The following PRUNE2 variants were observed in gnomAD, a reference collection of about 807,000 sequenced individuals.
PRUNE2 encodes protein prune homolog 2.
PRUNE2 carries 164 observed loss-of-function variants against 252.0 expected under a neutral mutation model. The ratio of observed to expected loss-of-function variants is 0.65; its 90% confidence interval spans 0.57 to 0.74. The LOEUF (loss-of-function observed/expected upper bound fraction) is 0.74, where lower values mean the gene tolerates loss of function less well. PRUNE2 is among the 30% of genes least tolerant of loss of function. The probability of loss-of-function intolerance (pLI) is 0.00; values close to 1 mark genes in which losing one functional copy is unlikely to be tolerated. For synonymous variants in PRUNE2, 1,292 were observed against 1,350.2 expected (o/e 0.96, Z 0.94); for missense variants, 3,495 against 3,711.0 (o/e 0.94, Z 1.51).
intron 17 of PRUNE2, among the ~76,000 whole-genome samples, chr9:76,622,548 T>G (rs1234831525): frequency 6.6e-6 from 1 of 152,178 alleles, no homozygotes; most frequent in Non-Finnish European, 1.5e-5. Flanking sequence ...TTCATAAATA[T>G]GTTATCATCC....
At chr9:76,728,262 C>T (rs1190173347) in intron 6 of PRUNE2, among the ~76,000 whole-genome samples, 1 of 152,122 alleles carries the variant, frequency 6.6e-6, no homozygotes, top group East Asian at 1.9e-4. Flanking sequence ...CATTAAAACC[C>T]ATTTCTGGGC....
intron 6 of PRUNE2, among the ~76,000 whole-genome samples, chr9:76,777,163 G>T (rs1020430062): frequency 6.6e-6 from 1 of 152,160 alleles, no homozygotes; most frequent in African/African-American, 2.4e-5. Flanking sequence ...GAGAAGGGAA[G>T]AAATGCAATG....
intron 6 of PRUNE2, among the ~76,000 whole-genome samples, chr9:76,747,797 C>CTT (rs553598262): frequency 4.2e-5 from 6 of 141,446 alleles, no homozygotes; most frequent in African/African-American, 1.6e-4. Flanking sequence ...TTCTCCACTT[C>CTT]TTTTTTTTTT....
At chr9:76,904,460 C>T (rs1343519478) in intron 1 of PRUNE2, among the ~76,000 whole-genome samples, 1 of 152,138 alleles carries the variant, frequency 6.6e-6, no homozygotes, top group Non-Finnish European at 1.5e-5. Flanking sequence ...CAGCCCAGAA[C>T]TCTGTGTTTG....
At chr9:76,841,500 C>A (rs192684541) in intron 4 of PRUNE2, among the ~76,000 whole-genome samples, 196 of 152,274 alleles carry the variant, frequency 1.3e-3, no homozygotes, top group Non-Finnish European at 2.0e-3. Context: ...GGGCTGAAGC[C>A]AAGAAGCCAA....
At chr9:76,694,175 G>A (rs1439424658) in intron 9 of PRUNE2, among the ~76,000 whole-genome samples, 1 of 151,458 alleles carries the variant, frequency 6.6e-6, no homozygotes, top group Non-Finnish European at 1.5e-5. Context: ...TATTTGTTTT[G>A]TTTCGTTTTT....
At chr9:76,885,413 T>A (rs2062030151) in intron 1 of PRUNE2, among the ~76,000 whole-genome samples, 1 of 152,184 alleles carries the variant, frequency 6.6e-6, no homozygotes, top group Admixed American at 6.5e-5. Flanking sequence ...GGTGAGATCT[T>A]GCCCAGGGAA....
rs1189752215 is a variant in PRUNE2 at position 76,710,487 on chromosome 9, G to A, written c.1787C>T (p.Pro596Leu). 6.2e-7 allele frequency: 1 copy of A among 1,613,992 alleles called. No homozygotes were observed. The highest frequency in any genetic ancestry group is 1.1e-5 in the South Asian group (1 of 91,088). Residue 596 changes from proline to leucine, a missense_variant, in exon 8 of 19, where the codon CCT (proline) becomes CTT (leucine). Transcript: ENST00000376718. ...SLTDFVGDES[P>L]SPERLKNTGK... ...AGTATTTTTTAGCCTTTCTGGGGAA[G>A]GGGATTCATCTCCCACAAAATCTGT... is the stretch of plus-strand genomic sequence containing the variant.
At position 76,861,131 on chromosome 9, in the gene PRUNE2, C is replaced by A. The variant is rs539779815; in HGVS notation, c.37-6923G>T. The stretch of plus-strand genomic sequence containing the variant: ...GCAGATGGTACCATGGCCAAGTGAG[C>A]AGCAGGGGCCACAGGGAGGCCTGGA... On this transcript the variant is annotated intron_variant, in intron 1 of 18. Transcript: ENST00000376718. 7.5e-4 allele frequency among the ~76,000 whole-genome samples: 115 copies of A among 152,340 alleles called. 1 individual carries two copies. The South Asian group carries it at 8.9e-3, about 12-fold the overall frequency.
rs568568740 is a variant in PRUNE2 at position 76,851,195 on chromosome 9, G to A, written c.142-530C>T. 2.0e-5 allele frequency among the ~76,000 whole-genome samples: 3 copies of A among 152,190 alleles called. No individual in the cohort carries two copies. The South Asian group carries it at 6.2e-4, about 32-fold the overall frequency. ...TACATTGCATCTAAATGAGATGCCTGTCACTCAGCTCCAGCCAATGGTTCA... is the reference window on the plus strand; with the variant it reads ...TACATTGCATCTAAATGAGATGCCTATCACTCAGCTCCAGCCAATGGTTCA... On this transcript the variant is annotated intron_variant, in intron 2 of 18. Transcript: ENST00000376718.
At chr9:76,752,502 C>T (rs1013893920) in intron 6 of PRUNE2, among the ~76,000 whole-genome samples, 1 of 151,054 alleles carries the variant, frequency 6.6e-6, no homozygotes, top group African/African-American at 2.4e-5. Flanking sequence ...ATGAGATGTT[C>T]ATTCCATCTT....
At chr9:76,632,144 T>G (rs1426711579) in intron 15 of PRUNE2, among the ~76,000 whole-genome samples, 1 of 152,218 alleles carries the variant, frequency 6.6e-6, no homozygotes, top group Non-Finnish European at 1.5e-5. Context: ...TGAGTTATAT[T>G]CCTTTGTGTA....
intron 1 of PRUNE2, among the ~76,000 whole-genome samples, chr9:76,903,941 T>C (rs901647492): frequency 4.6e-5 from 7 of 152,234 alleles, no homozygotes; most frequent in Non-Finnish European, 8.8e-5. Flanking sequence ...GACATTGACT[T>C]AATTCTTTTT....
chr9:76,674,163 C>T (rs1265989190), intron 9 of PRUNE2, among the ~76,000 whole-genome samples: 1 of 151,862 alleles, frequency 6.6e-6, no homozygotes, highest in Non-Finnish European at 1.5e-5. Context: ...ACCCCACTGT[C>T]TCAGCCCAAA....
intron 1 of PRUNE2, among the ~76,000 whole-genome samples, chr9:76,870,850 G>A (rs2061158489): frequency 6.6e-6 from 1 of 150,856 alleles, no homozygotes; most frequent in African/African-American, 2.5e-5. Context: ...AAACCTAAGT[G>A]GCAACAACCA....
chr9:76,850,772 G>A, intron 2 of PRUNE2, 107 bp from the exon 3 acceptor site: 1 of 807,858 alleles, frequency 1.2e-6, no homozygotes, highest in Non-Finnish European at 2.0e-6. Context: ...GGAGTCTTCT[G>A]GCCTCACTAA....
intron 16 of PRUNE2, among the ~76,000 whole-genome samples, chr9:76,624,718 T>TAA (rs1833926413): frequency 6.6e-6 from 1 of 152,330 alleles, no homozygotes; most frequent in East Asian, 1.9e-4. Context: ...AATGTAGACA[T>TAA]AAGTTGCAAA....
At chr9:76,676,393 T>G (rs1301788988) in intron 9 of PRUNE2, among the ~76,000 whole-genome samples, 2 of 151,786 alleles carry the variant, frequency 1.3e-5, no homozygotes, top group Non-Finnish European at 2.9e-5. Context: ...TGTATTGACA[T>G]AGAATGGTAT....
intron 1 of PRUNE2, among the ~76,000 whole-genome samples, chr9:76,866,645 C>T (rs1213811382): frequency 6.6e-6 from 1 of 151,892 alleles, no homozygotes; most frequent in East Asian, 1.9e-4. Flanking sequence ...TTTGGCCTCT[C>T]TGCTGACGTA....
Sources: allele counts gnomAD v4.1 joint callset (sites outside exome capture counted in the v4.1 genomes callset), GRCh38; gene constraint gnomAD v4.1.1; transcripts MANE v1.5; gene names NCBI Gene and HGNC (gene_info 2026-07-23, HGNC 2026-07-21).